Variants in KATNIP observed in about 807,000 individuals in gnomAD.
KATNIP encodes katanin-interacting protein.
Under a neutral mutation model 174.0 loss-of-function variants are expected in KATNIP, and 126 were observed. The observed-to-expected ratio is 0.72, with a 90% confidence interval of 0.63 to 0.84. The LOEUF (loss-of-function observed/expected upper bound fraction) is 0.84. Ranked by LOEUF, KATNIP falls within the 40% of genes least tolerant of loss-of-function variation. KATNIP has a pLI of 0.00. For missense variants in KATNIP, 1,958 were observed against 2,109.7 expected, an observed-to-expected ratio of 0.93 and a Z score of 1.41; for synonymous variants, 810 against 835.7, an observed-to-expected ratio of 0.97 and a Z score of 0.53.
At position 27,573,906 on chromosome 16, in the gene KATNIP, ACT is replaced by A. The variant is rs1226504776; in HGVS notation, c.16_17del (p.Leu6AlafsTer19). 30 of 1,614,012 alleles carry A rather than the reference ACT, an allele frequency of 1.9e-5. No homozygotes were observed. Among genetic ancestry groups the A allele is most frequent in the Non-Finnish European group, 2.5e-5 (30 of 1,180,022 alleles). MDGQ[T>X]LRKAERSWSC... is the part of the protein sequence containing the mutation. Reference sequence around the variant, plus strand: ...CTGCTTTTGAACTGCGACAGGTCAGACTCTGCGAAAGGCCGAGAGAAGCTGGT... The same window carrying A: ...CTGCTTTTGAACTGCGACAGGTCAGACTGCGAAAGGCCGAGAGAAGCTGGT... On this transcript the variant is annotated frameshift_variant, in exon 2 of 28. Coordinates refer to ENST00000261588, the MANE Select transcript of KATNIP (RefSeq NM_015202.5). LOFTEE classifies it high-confidence loss of function.
intron 16 of KATNIP, 94 bp downstream of exon 16, chr16:27,750,400 AG>A: frequency 8.4e-7 from 1 of 1,184,116 alleles, no homozygotes; most frequent in Non-Finnish European, 1.2e-6. Flanking sequence ...AGCCAACAAC[AG>A]ATCAGTCCTT....
At chr16:27,766,574 GA>G (rs1736313078) in intron 20 of KATNIP, 100 bp downstream of exon 20, 1 of 1,294,546 alleles carries the variant, frequency 7.7e-7, no homozygotes, top group African/African-American at 1.5e-5. Context: ...AAATCCTCCA[GA>G]ATTTTCCAAA....
At chr16:27,667,992 A>C (rs2077745821) in intron 6 of KATNIP, among the ~76,000 whole-genome samples, 1 of 152,162 alleles carries the variant, frequency 6.6e-6, no homozygotes, top group African/African-American at 2.4e-5. Flanking sequence ...TAGAGTTAGG[A>C]GTTTAATGCT....
chr16:27,673,604 G>C (rs945020673), intron 6 of KATNIP, among the ~76,000 whole-genome samples: 5 of 152,092 alleles, frequency 3.3e-5, no homozygotes, highest in Non-Finnish European at 7.4e-5. Flanking sequence ...TGGACATTCT[G>C]TTATGTTTAG....
chr16:27,648,453 CA>C lies in KATNIP; in HGVS notation c.409-150del, dbSNP rs2077025040. 3 of 884,968 alleles carry C rather than the reference CA, an allele frequency of 3.4e-6. No individual in the cohort carries two copies. In the Middle Eastern group the frequency reaches 1.0e-3, roughly 309 times the overall value. The allele number at this position is 884,968 out of a possible 1,614,324, so 54.8% of individuals were successfully genotyped here. On this transcript the variant is annotated intron_variant, in intron 5 of 27. Coordinates refer to ENST00000261588, the MANE Select transcript of KATNIP (RefSeq NM_015202.5). ...GAGGAGGCCTGTGGCCCATGCTCAT[CA>C]TGACACCACTGCTGTTGCATGCAGG...
At chr16:27,587,484 C>A (rs16976881) in intron 2 of KATNIP, among the ~76,000 whole-genome samples, 1 of 152,158 alleles carries the variant, frequency 6.6e-6, no homozygotes. Flanking sequence ...AAAAATGGTT[C>A]GTTATCGTAC....
chr16:27,618,917 G>A (rs1230167883), intron 3 of KATNIP, among the ~76,000 whole-genome samples: 1 of 152,212 alleles, frequency 6.6e-6, no homozygotes, highest in African/African-American at 2.4e-5. Context: ...ATTGGCGTTT[G>A]AAGTTGGTCG....
At chr16:27,703,490 G>C (rs2079180660) in intron 11 of KATNIP, among the ~76,000 whole-genome samples, 1 of 152,196 alleles carries the variant, frequency 6.6e-6, no homozygotes, top group African/African-American at 2.4e-5. Context: ...TTTTGTTGTT[G>C]TTATTGTTGT....
intron 6 of KATNIP, among the ~76,000 whole-genome samples, chr16:27,649,664 C>T (rs2077061060): frequency 6.6e-6 from 1 of 152,234 alleles, no homozygotes; most frequent in Non-Finnish European, 1.5e-5. Context: ...GGTGCCTGTT[C>T]TTAAGCAACC....
chr16:27,712,308 C>A (rs1413409353), intron 13 of KATNIP, among the ~76,000 whole-genome samples: 1 of 152,186 alleles, frequency 6.6e-6, no homozygotes, highest in Non-Finnish European at 1.5e-5. Context: ...TTCCCTGCAT[C>A]CTGGGTCCCA....
At chr16:27,702,353 C>T (rs2079134630) in intron 11 of KATNIP, among the ~76,000 whole-genome samples, 1 of 152,232 alleles carries the variant, frequency 6.6e-6, no homozygotes, top group African/African-American at 2.4e-5. Context: ...TTTGTTCAAA[C>T]TCAGCATTCT....
intron 2 of KATNIP, 187 bp downstream of exon 2, chr16:27,574,143 A>C: frequency 1.7e-6 from 1 of 589,134 alleles, no homozygotes; most frequent in Non-Finnish European, 3.0e-6. Flanking sequence ...AATCACTTGT[A>C]ATAATCACTT....
At chr16:27,754,293 C>T (rs769607778) in intron 18 of KATNIP, 42 bp downstream of exon 18, 2 of 1,543,348 alleles carry the variant, frequency 1.3e-6, no homozygotes, top group Non-Finnish European at 1.8e-6. Context: ...GAAGGAGGAC[C>T]TTCCAGGGAC....
At chr16:27,692,986 A>G (rs1394888125) in intron 8 of KATNIP, among the ~76,000 whole-genome samples, 2 of 152,166 alleles carry the variant, frequency 1.3e-5, no homozygotes, top group Non-Finnish European at 2.9e-5. Flanking sequence ...CAGCTCCAGT[A>G]TAGCTCAAAA....
chr16:27,670,122 T>C (rs1279291367), intron 6 of KATNIP, among the ~76,000 whole-genome samples: 1 of 152,220 alleles, frequency 6.6e-6, no homozygotes, highest in Non-Finnish European at 1.5e-5. Context: ...TTTCTTAAAA[T>C]AGCCATCGGT....
At chr16:27,631,216 G>T (rs1012415225) in intron 5 of KATNIP, 54 bp downstream of exon 5, 1 of 1,357,184 alleles carries the variant, frequency 7.4e-7, no homozygotes, top group Admixed American at 2.0e-5. Flanking sequence ...GTGGGTGGCT[G>T]TGGGAATAGA....
intron 1 of KATNIP, among the ~76,000 whole-genome samples, chr16:27,568,474 G>A (rs1440643304): frequency 6.8e-5 from 10 of 147,644 alleles, no homozygotes; most frequent in Admixed American, 6.1e-4. Flanking sequence ...TAAGAAATAA[G>A]TTTTTTTTTT....
At chr16:27,582,589 G>A (rs1418433437) in intron 2 of KATNIP, among the ~76,000 whole-genome samples, 1 of 152,178 alleles carries the variant, frequency 6.6e-6, no homozygotes, top group Non-Finnish European at 1.5e-5. Flanking sequence ...CACAGGGCAG[G>A]ATTAGAAGCA....
intron 18 of KATNIP, chr16:27,755,461 T>G (rs2081685421): frequency 6.6e-6 from 1 of 152,210 alleles, no homozygotes; most frequent in Non-Finnish European, 1.5e-5. Flanking sequence ...GAGAAGCTGG[T>G]CTGCGGTTCA....
Sources: gnomAD v4.1 joint callset for allele counts (sites outside exome capture counted in the v4.1 genomes callset) on GRCh38, gnomAD v4.1.1 for gene constraint, MANE v1.5 for transcripts, NCBI Gene and HGNC (gene_info 2026-07-23, HGNC 2026-07-21) for gene names.